Variants in UBAP2 observed in about 807,000 individuals in gnomAD.
UBAP2 encodes ubiquitin associated protein 2.
Under a neutral mutation model 139.6 loss-of-function variants are expected in UBAP2, and 75 were observed. That is an observed-to-expected ratio of 0.54 (90% CI 0.45 to 0.65). The LOEUF is 0.65. UBAP2 is among the 30% of genes least tolerant of loss of function. The pLI is 0.00. For synonymous variants in UBAP2, 526 were observed against 526.2 expected (o/e 1.00, Z 0.01); for missense variants, 1,368 against 1,369.6 (o/e 1.00, Z 0.02).
chr9:34,016,272 GAAGGAGGAAGAGGAGGA>G (rs1824283401), intron 2 of UBAP2, among the ~76,000 whole-genome samples: 11 of 19,976 alleles, frequency 5.5e-4, no homozygotes, highest in African/African-American at 1.2e-3. Context: ...AGGAGGAAGA[GAAGGAGGAAGAGGAGGA>G]GGAGGAAGAG....
At position 33,923,461 on chromosome 9, in the gene UBAP2, G is replaced by A. The variant is rs754811339; in HGVS notation, c.2814C>T (p.Ala938=). 14 of 1,614,118 alleles carry A rather than the reference G, an allele frequency of 8.7e-6. No homozygotes were observed. Among genetic ancestry groups the A allele is most frequent in the Non-Finnish European group, 1.2e-5 (14 of 1,180,030 alleles). Residue 938 remains alanine (A), a synonymous_variant, in exon 25 of 29, where the codon GCC becomes GCT. Transcript: ENST00000379238. The part of the protein sequence containing the change: ...GPTMFVPPAS[A]KQHGVNLSTP... ...TGCTGAGGTTCACCCCATGTTGCTT[G>A]GCTGAGGCTGGAGGGACCTGGGGGG...
At chr9:34,028,571 G>A (rs1825619345) in intron 1 of UBAP2, among the ~76,000 whole-genome samples, 1 of 151,748 alleles carries the variant, frequency 6.6e-6, no homozygotes, top group South Asian at 2.1e-4. Flanking sequence ...GGTAGAGATG[G>A]GGTTCACCAT....
chr9:33,925,629 G>A (rs539523619), intron 22 of UBAP2, among the ~76,000 whole-genome samples: 1 of 152,320 alleles, frequency 6.6e-6, no homozygotes, highest in African/African-American at 2.4e-5. Context: ...TTTGCACAGT[G>A]GGGAGAAGCC....
chr9:34,006,273 A>G (rs1226084108), intron 2 of UBAP2, among the ~76,000 whole-genome samples: 3 of 152,032 alleles, frequency 2.0e-5, no homozygotes, highest in African/African-American at 7.2e-5. Context: ...CTGGACTCTA[A>G]AAGAACAAAC....
intron 7 of UBAP2, among the ~76,000 whole-genome samples, chr9:33,972,026 A>G (rs1384648197): frequency 6.6e-6 from 1 of 152,240 alleles, no homozygotes; most frequent in Non-Finnish European, 1.5e-5. Context: ...CCTAAAGCAG[A>G]CAAGGAGACG....
chr9:34,010,007 A>G (rs1823608285), intron 2 of UBAP2, among the ~76,000 whole-genome samples: 1 of 149,768 alleles, frequency 6.7e-6, no homozygotes, highest in Non-Finnish European at 1.5e-5. Flanking sequence ...GAGTTTCTCC[A>G]TCTTGGTCAG....
intron 11 of UBAP2, among the ~76,000 whole-genome samples, chr9:33,954,361 T>C (rs921027500): frequency 3.3e-5 from 5 of 151,086 alleles, no homozygotes; most frequent in African/African-American, 4.9e-5. Context: ...ATAACAAATA[T>C]ACTGTTAACC....
At chr9:34,030,406 G>A (rs150987720) in intron 1 of UBAP2, among the ~76,000 whole-genome samples, 1,774 of 150,738 alleles carry the variant, frequency 0.012, 34 homozygotes, top group African/African-American at 0.04. Flanking sequence ...CCGAGATCGC[G>A]CCACTGCACT....
chr9:34,013,152 C>CAAAAAAA (rs398010658), intron 2 of UBAP2, among the ~76,000 whole-genome samples: 20 of 78,308 alleles, frequency 2.6e-4, no homozygotes, highest in African/African-American at 9.1e-4. Flanking sequence ...GACTCTAGCT[C>CAAAAAAA]AAAAAAAAAA....
intron 6 of UBAP2, among the ~76,000 whole-genome samples, chr9:33,977,043 T>TTTA (rs990287429): frequency 3.9e-5 from 5 of 128,354 alleles, no homozygotes; most frequent in Non-Finnish European, 3.3e-5. Context: ...TTTTTATTTA[T>TTTA]TTTTTTTTTT....
chr9:33,987,348 G>A (rs896758934), intron 5 of UBAP2, among the ~76,000 whole-genome samples: 1 of 151,820 alleles, frequency 6.6e-6, no homozygotes, highest in South Asian at 2.1e-4. Flanking sequence ...ACAGGCGGAG[G>A]TTGCAGTGAG....
In UBAP2 at chr9:34,014,096, G is replaced by A. The variant is rs533995525; in HGVS notation, c.99+2954C>T. Among the ~76,000 whole-genome samples, 58 of 151,848 alleles carry A rather than the reference G, an allele frequency of 3.8e-4. No individual in the cohort carries two copies. In the South Asian group the frequency reaches 0.012, roughly 31 times the overall value. Reference sequence around the variant, plus strand: ...CCAACACCTTGGGAGATCAAGGGGGGGACAGATCACTTGAGGTCAGGAGTT... The same window carrying A: ...CCAACACCTTGGGAGATCAAGGGGGAGACAGATCACTTGAGGTCAGGAGTT... On this transcript the variant is annotated intron_variant, in intron 2 of 28. Transcript: ENST00000379238.
chr9:34,035,532 T>TATA (rs1466687163), intron 1 of UBAP2, among the ~76,000 whole-genome samples: 1 of 104,142 alleles, frequency 9.6e-6, no homozygotes, highest in East Asian at 4.0e-4. Context: ...TATATAAAGA[T>TATA]TAGCCAGGTT....
intron 2 of UBAP2, among the ~76,000 whole-genome samples, chr9:34,016,187 A>G (rs1258440482): frequency 1.6e-5 from 1 of 61,468 alleles, no homozygotes; most frequent in African/African-American, 3.7e-5. Context: ...GAGGAAGAGG[A>G]GGAATAGAAG....
intron 17 of UBAP2, chr9:33,934,505 G>A (rs1423626501): frequency 6.4e-6 from 1 of 155,678 alleles, no homozygotes; most frequent in Non-Finnish European, 1.5e-5. Context: ...AGTTCTTACA[G>A]AGGCCTTCTT....
chr9:33,979,846 GAC>G (rs896427655), intron 6 of UBAP2, among the ~76,000 whole-genome samples: 2 of 151,180 alleles, frequency 1.3e-5, no homozygotes, highest in Non-Finnish European at 2.9e-5. Flanking sequence ...CCAGCCTGGA[GAC>G]AGAGTGAGAC....
At position 33,971,662 on chromosome 9, in the gene UBAP2, T is replaced by A. The variant is rs1827924878; in HGVS notation, c.668A>T (p.Asp223Val). 6.2e-7 allele frequency: 1 copy of A among 1,601,754 alleles called. No homozygotes were observed. The highest frequency in any genetic ancestry group is 8.6e-7 in the Non-Finnish European group (1 of 1,168,668). The change falls in exon 8 of 29, where the codon GAT becomes GTT. Residue 223 changes from aspartate to valine, a missense_variant. Coordinates refer to ENST00000379238, the MANE Select transcript of UBAP2 (RefSeq NM_001370062.2). ...AACAGAACACTTACCAGTTCCCTCA[T>A]CTGCACCATTCTGAGCAGCTTCCCA... ...VVWEAAQNGA[D>V]EGTELASNTH...
rs147150653 is a variant in UBAP2, at chr9:33,937,971, T to C, written c.1930-2093A>G. Among the ~76,000 whole-genome samples the C allele has an allele frequency of 7.2e-3, 1,098 of 152,062 alleles. 11 individuals are homozygous for C. Among genetic ancestry groups the C allele is most frequent in the African/African-American group, 0.024 (1,014 of 41,476 alleles). On this transcript the variant is annotated intron_variant, in intron 16 of 28. Coordinates refer to ENST00000379238, the MANE Select transcript of UBAP2 (RefSeq NM_001370062.2). ...CTACATTACACACAACTACATTGTG[T>C]ATAGTTGTTTTGGGGGGTTTCTTTT...
At chr9:34,047,942 A>G (rs1267581113) in intron 1 of UBAP2, among the ~76,000 whole-genome samples, 1 of 152,242 alleles carries the variant, frequency 6.6e-6, no homozygotes, top group Non-Finnish European at 1.5e-5. Flanking sequence ...AATATCCAAT[A>G]GAAGTGGTAG....
Sources: gnomAD v4.1 joint callset for allele counts (sites outside exome capture counted in the v4.1 genomes callset) on GRCh38, gnomAD v4.1.1 for gene constraint, MANE v1.5 for transcripts, NCBI Gene and HGNC (gene_info 2026-07-23, HGNC 2026-07-21) for gene names.